Variants in ADGRV1 observed in about 807,000 individuals in gnomAD.
The protein encoded by ADGRV1 is adhesion G protein-coupled receptor V1.
ADGRV1 carries 359 observed loss-of-function variants against 596.2 expected under a neutral mutation model. The observed-to-expected ratio is 0.60, with a 90% CI of 0.55 to 0.66. The LOEUF (loss-of-function observed/expected upper bound fraction) is 0.66. ADGRV1 is among the 30% of genes least tolerant of loss of function. The probability of loss-of-function intolerance (pLI) is 0.00; values close to 1 mark genes in which losing one functional copy is unlikely to be tolerated. For synonymous variants in ADGRV1, 2,681 were observed against 2,679.2 expected, an observed-to-expected ratio of 1.00 and a Z score of -0.02; for missense variants, 7,274 against 7,575.6, an observed-to-expected ratio of 0.96 and a Z score of 1.48.
intron 34 of ADGRV1, among the ~76,000 whole-genome samples, chr5:90,702,254 A>G (rs1389058434): frequency 2.0e-5 from 3 of 151,938 alleles, no homozygotes; most frequent in African/African-American, 4.8e-5. Flanking sequence ...ATGGCTGACT[A>G]TACATAGTCC....
intron 83 of ADGRV1, among the ~76,000 whole-genome samples, chr5:90,931,750 G>A (rs1320230151): frequency 6.6e-6 from 1 of 152,054 alleles, no homozygotes; most frequent in African/African-American, 2.4e-5. Flanking sequence ...CTATAATTAC[G>A]CATGTTTCCT....
At chr5:90,927,467 T>A (rs1195321683) in intron 83 of ADGRV1, among the ~76,000 whole-genome samples, 1 of 152,232 alleles carries the variant, frequency 6.6e-6, no homozygotes, top group Non-Finnish European at 1.5e-5. Flanking sequence ...CCCTGCCTTT[T>A]TTTGTTGTCC....
At chr5:90,911,001 G>C (rs1772832036) in intron 83 of ADGRV1, among the ~76,000 whole-genome samples, 1 of 152,100 alleles carries the variant, frequency 6.6e-6, no homozygotes, top group South Asian at 2.1e-4. Context: ...TGTTAACCTA[G>C]TATGATATGG....
At chr5:90,589,646 G>A (rs11956324) in intron 1 of ADGRV1, among the ~76,000 whole-genome samples, 7,384 of 152,134 alleles carry the variant, frequency 0.049, 580 homozygotes, top group African/African-American at 0.17. Flanking sequence ...GCTTATGGGT[G>A]GAGAAGACAT....
chr5:90,789,633 T>C lies in ADGRV1; in HGVS notation c.13894-69T>C, dbSNP rs1759853934. Reference sequence around the variant, plus strand: ...TTTCCTCAGCTTCTCTGTTTGTTAATATGTTGGATACTATAATTTCATCCC... The same window carrying C: ...TTTCCTCAGCTTCTCTGTTTGTTAACATGTTGGATACTATAATTTCATCCC... On this transcript the variant is annotated intron_variant, in intron 68 of 89. Coordinates refer to ENST00000405460, the MANE Select transcript of ADGRV1 (RefSeq NM_032119.4). The C allele has an allele frequency of 1.6e-5, 14 of 870,888 alleles. No individual in the cohort carries two copies. In the South Asian group the frequency reaches 3.0e-4, roughly 19 times the overall value. 53.9% of individuals were successfully genotyped at this position (870,888 alleles called of 1,614,324 possible). A position where few individuals can be genotyped will look rare whatever the true frequency, so the allele number is the denominator to read the frequency against.
intron 86 of ADGRV1, among the ~76,000 whole-genome samples, chr5:91,083,503 A>G (rs1301989000): frequency 1.3e-5 from 2 of 152,138 alleles, no homozygotes; most frequent in African/African-American, 4.8e-5. Flanking sequence ...CGTTTTTACA[A>G]TATGTTGTTT....
intron 31 of ADGRV1, 128 bp downstream of exon 31, chr5:90,691,169 T>C: frequency 8.4e-7 from 1 of 1,196,672 alleles, no homozygotes; most frequent in Non-Finnish European, 1.2e-6. Flanking sequence ...ATGTTCAAAC[T>C]ATGCTAGTGT....
chr5:90,625,091 A>G (rs763927162), intron 5 of ADGRV1, 39 bp from the exon 6 acceptor site: 1 of 1,200,118 alleles, frequency 8.3e-7, no homozygotes. Context: ...CTTGTGAAGT[A>G]TTTTGCATTT....
chr5:90,652,943 GT>G (rs1367410053), intron 19 of ADGRV1, among the ~76,000 whole-genome samples: 2 of 152,082 alleles, frequency 1.3e-5, no homozygotes, highest in Admixed American at 6.6e-5. Context: ...ATCACTTTTG[GT>G]TTTAAAAAGC....
intron 86 of ADGRV1, among the ~76,000 whole-genome samples, chr5:91,092,854 C>T (rs1380543623): frequency 2.0e-5 from 3 of 152,192 alleles, no homozygotes; most frequent in South Asian, 2.1e-4. Flanking sequence ...CTTTTCCTAA[C>T]GTGACTAAAC....
At chr5:91,130,153 G>A (rs1028314200) in intron 87 of ADGRV1, among the ~76,000 whole-genome samples, 1 of 151,600 alleles carries the variant, frequency 6.6e-6, no homozygotes, top group Non-Finnish European at 1.5e-5. Flanking sequence ...TAGGAAAAAA[G>A]GGATATTTCC....
chr5:90,561,777 G>A (rs1754867493), intron 1 of ADGRV1, among the ~76,000 whole-genome samples: 1 of 152,148 alleles, frequency 6.6e-6, no homozygotes, highest in African/African-American at 2.4e-5. Context: ...CTTACAAAGT[G>A]TAATGAGCTT....
At chr5:90,938,826 G>A (rs1054621092) in intron 83 of ADGRV1, among the ~76,000 whole-genome samples, 2 of 152,174 alleles carry the variant, frequency 1.3e-5, no homozygotes, top group Non-Finnish European at 2.9e-5. Context: ...GGTAGGAAAA[G>A]TAAAGTGATG....
Position 90,853,522 on chromosome 5 carries a change from C to T in ADGRV1, c.17443C>T (p.Leu5815=). The T allele has an allele frequency of 6.2e-7, 1 of 1,609,420 alleles. No homozygotes were observed. Among genetic ancestry groups the T allele is most frequent in the Non-Finnish European group, 8.5e-7 (1 of 1,177,130 alleles). The change falls in exon 80 of 90, where the codon CTA becomes TTA. Residue 5815 remains leucine, a synonymous_variant. Transcript: ENST00000405460. Reference sequence around the variant, plus strand: ...TATAAGTGGAAACAATCTTCCTACCCTAAAAAATAAGGTAATCTTTCATTC... The same window carrying T: ...TATAAGTGGAAACAATCTTCCTACCTTAAAAAATAAGGTAATCTTTCATTC... ...WFISGNNLPT[L]KNKVLSLSVK...
At chr5:90,569,526 A>C (rs1272483588) in intron 1 of ADGRV1, among the ~76,000 whole-genome samples, 1 of 146,394 alleles carries the variant, frequency 6.8e-6, no homozygotes, top group African/African-American at 2.5e-5. Context: ...TCTGCCTTTT[A>C]ATTGGAGTAT....
chr5:90,729,708 C>T lies in ADGRV1; in HGVS notation c.10493C>T (p.Ser3498Phe), dbSNP rs772925137. ...MGQSSFRYFQ[S>F]VDFAAVNRIH... ...CAGTCTTCCTTCAGGTATTTTCAGT[C>T]TGTAGATTTTGCTGCTGTTAACAGA... Residue 3498 changes from serine to phenylalanine, a missense_variant, in exon 50 of 90, where the codon TCT (serine) becomes TTT (phenylalanine). Ser to Phe is a radical substitution (Grantham distance 155). Transcript: ENST00000405460. 18 of 1,611,062 alleles carry T rather than the reference C, an allele frequency of 1.1e-5. No homozygotes were observed. In the African/African-American group the frequency reaches 1.3e-4, roughly 12 times the overall value.
chr5:91,153,422 A>T, intron 89 of ADGRV1, 24 bp downstream of exon 89: 1 of 1,512,962 alleles, frequency 6.6e-7, no homozygotes, highest in South Asian at 1.3e-5. Context: ...CATGAACGAC[A>T]TTAGAAGTAG....
At chr5:90,599,031 A>C (rs1761068227) in intron 1 of ADGRV1, among the ~76,000 whole-genome samples, 1 of 152,196 alleles carries the variant, frequency 6.6e-6, no homozygotes, top group Non-Finnish European at 1.5e-5. Flanking sequence ...AAAGAAGAGA[A>C]ACATTTAATT....
rs55743704 is a variant in ADGRV1, at chr5:90,872,423, T to TTGTGTG, written c.17856+8604_17856+8609dup. 5.2e-4 allele frequency among the ~76,000 whole-genome samples: 76 copies of TTGTGTG among 147,444 alleles called. 1 individual carries two copies. The highest frequency in any genetic ancestry group is 1.9e-3 in the African/African-American group (74 of 39,650). ...AGAAAATTATACATATGGTATGAGC[T>TTGTGTG]TGTGTGTGTGTGTGTGTGTGTGTGT... On this transcript the variant is annotated intron_variant, in intron 83 of 89. Transcript: ENST00000405460.
Sources: gnomAD v4.1 joint callset for allele counts (sites outside exome capture counted in the v4.1 genomes callset) on GRCh38, gnomAD v4.1.1 for gene constraint, MANE v1.5 for transcripts, NCBI Gene and HGNC (gene_info 2026-07-23, HGNC 2026-07-21) for gene names.